The following WDR27 variants were observed in gnomAD, a reference collection of about 807,000 sequenced individuals.
WDR27 encodes WD repeat domain 27, also known as WD repeat-containing protein 27.
Under a neutral mutation model 114.4 loss-of-function variants are expected in WDR27, and 100 were observed. That is an observed-to-expected ratio of 0.87 (90% CI 0.74 to 1.03). The LOEUF (loss-of-function observed/expected upper bound fraction) is 1.03. Among genes scored for constraint, WDR27 ranks in the 50% least tolerant of loss-of-function variants. The pLI is 0.00. For synonymous variants in WDR27, 449 were observed against 423.1 expected, an observed-to-expected ratio of 1.06 and a Z score of -0.75; for missense variants, 1,129 against 1,092.9, an observed-to-expected ratio of 1.03 and a Z score of -0.47.
chr6:169,492,865 G>A (rs1388889936), intron 25 of WDR27, among the ~76,000 whole-genome samples: 2 of 151,920 alleles, frequency 1.3e-5, no homozygotes, highest in East Asian at 3.8e-4. Flanking sequence ...CCTTGTCTAG[G>A]AGAAAACTGA....
chr6:169,492,244 T>G (rs1327489300), intron 25 of WDR27, among the ~76,000 whole-genome samples: 1 of 151,544 alleles, frequency 6.6e-6, no homozygotes, highest in Non-Finnish European at 1.5e-5. Flanking sequence ...CAGCAGATCA[T>G]TGCTCGCCTA....
chr6:169,577,378 G>A (rs964844113), intron 24 of WDR27, among the ~76,000 whole-genome samples: 8 of 152,236 alleles, frequency 5.3e-5, no homozygotes, highest in Admixed American at 4.6e-4. Context: ...ATCTGCGAAC[G>A]GGCGGCCACA....
intron 4 of WDR27, chr6:169,669,894 T>A (rs1032674929): frequency 6.6e-6 from 1 of 152,038 alleles, no homozygotes; most frequent in Non-Finnish European, 1.5e-5. Context: ...ATGCCGAACA[T>A]CCTTCCTCGC....
chr6:169,627,019 G>C (rs144262950), intron 21 of WDR27, among the ~76,000 whole-genome samples: 46 of 152,320 alleles, frequency 3.0e-4, no homozygotes, highest in African/African-American at 9.4e-4. Flanking sequence ...AAGGAGAGCA[G>C]AGTTCTGATG....
chr6:169,583,037 C>A (rs1326926317), intron 23 of WDR27, 103 bp from the exon 24 acceptor site: 3 of 901,276 alleles, frequency 3.3e-6, no homozygotes, highest in Non-Finnish European at 5.1e-6. Flanking sequence ...TGTAGTTGAT[C>A]AGATACAACA....
At chr6:169,547,437 A>G (rs1181266252) in intron 25 of WDR27, among the ~76,000 whole-genome samples, 1 of 152,206 alleles carries the variant, frequency 6.6e-6, no homozygotes, top group Non-Finnish European at 1.5e-5. Flanking sequence ...TAAAATATTA[A>G]TAAGTTGAAT....
At chr6:169,655,514 A>T (rs1823880665) in intron 13 of WDR27, among the ~76,000 whole-genome samples, 1 of 152,210 alleles carries the variant, frequency 6.6e-6, no homozygotes, top group Non-Finnish European at 1.5e-5. Flanking sequence ...AGCAAATCTC[A>T]CAGACACGAA....
the WDR27 span, among the ~76,000 whole-genome samples, chr6:169,427,296 G>A: frequency 6.6e-6 from 1 of 152,168 alleles, no homozygotes; most frequent in African/African-American, 2.4e-5. Flanking sequence ...TTGGAAGGCA[G>A]AGTCAAGTCC....
At chr6:169,611,497 G>A (rs1406751303) in intron 22 of WDR27, among the ~76,000 whole-genome samples, 4 of 151,834 alleles carry the variant, frequency 2.6e-5, no homozygotes, top group South Asian at 4.2e-4. Context: ...GTAGAGATGC[G>A]GTTTCACCAT....
chr6:169,549,418 C>T (rs145479460), intron 25 of WDR27, among the ~76,000 whole-genome samples: 4 of 152,156 alleles, frequency 2.6e-5, no homozygotes, highest in Non-Finnish European at 5.9e-5. Context: ...CCATTCATTG[C>T]TGGTGGGAGT....
At chr6:169,558,101 A>T (rs570905602) in intron 25 of WDR27, among the ~76,000 whole-genome samples, 1 of 152,154 alleles carries the variant, frequency 6.6e-6, no homozygotes, top group South Asian at 2.1e-4. Flanking sequence ...CCTGCATTTC[A>T]TCAGAAATTG....
chr6:169,575,789 T>C (rs1802234681), intron 24 of WDR27, among the ~76,000 whole-genome samples: 1 of 152,236 alleles, frequency 6.6e-6, no homozygotes, highest in Non-Finnish European at 1.5e-5. Context: ...TGGGCATGAT[T>C]TTAAACAACA....
intron 25 of WDR27, among the ~76,000 whole-genome samples, chr6:169,461,400 A>G (rs1784886180): frequency 6.6e-6 from 1 of 152,174 alleles, no homozygotes; most frequent in Non-Finnish European, 1.5e-5. Context: ...AAAAAGATAA[A>G]CATCATACAC....
Position 169,660,547 on chromosome 6 carries a change from A to G in WDR27, c.1129+116T>C, listed in dbSNP as rs1378308012. 9.7e-6 allele frequency: 8 copies of G among 827,352 alleles called. No individual in the cohort carries two copies. In the Admixed American group the frequency reaches 1.4e-4, roughly 15 times the overall value. The allele number at this position is 827,352 out of a possible 1,614,324, so 51.3% of individuals were successfully genotyped here. A position where few individuals can be genotyped will look rare whatever the true frequency, so the allele number is the denominator to read the frequency against. ...GTGCTCAATGCTGAGTTGTGACTGA[A>G]GCATCTCATCCTCAGATTCACACGG... On this transcript the variant is annotated intron_variant, in intron 10 of 25. Transcript: ENST00000448612.
At chr6:169,567,764 C>T (rs919909720) in intron 25 of WDR27, among the ~76,000 whole-genome samples, 2 of 152,136 alleles carry the variant, frequency 1.3e-5, no homozygotes. Flanking sequence ...CCCAGGGCTG[C>T]GAGTCCTGCT....
At chr6:169,577,708 G>A (rs578203882) in intron 24 of WDR27, among the ~76,000 whole-genome samples, 32 of 152,348 alleles carry the variant, frequency 2.1e-4, no homozygotes, top group African/African-American at 5.8e-4. Context: ...CGGCCCATGG[G>A]AGTGGTTCGT....
intron 1 of WDR27, among the ~76,000 whole-genome samples, chr6:169,701,107 G>C (rs1400614727): frequency 6.6e-6 from 1 of 152,080 alleles, no homozygotes; most frequent in East Asian, 1.9e-4. Flanking sequence ...CTCCTTTACT[G>C]GTACAGAGCA....
chr6:169,621,723 C>T (rs1411995314), intron 21 of WDR27, among the ~76,000 whole-genome samples: 1 of 151,714 alleles, frequency 6.6e-6, no homozygotes, highest in Non-Finnish European at 1.5e-5. Context: ...CGCATATACA[C>T]ATTCACACAT....
chr6:169,655,354 C>T (rs908112190), intron 13 of WDR27, among the ~76,000 whole-genome samples: 12 of 152,368 alleles, frequency 7.9e-5, no homozygotes, highest in Middle Eastern at 6.8e-3. Flanking sequence ...AAGATCAGGG[C>T]AGCCCTCCCG....
Sources: gnomAD v4.1 joint callset for allele counts (sites outside exome capture counted in the v4.1 genomes callset) on GRCh38, gnomAD v4.1.1 for gene constraint, MANE v1.5 for transcripts, NCBI Gene and HGNC (gene_info 2026-07-23, HGNC 2026-07-21) for gene names.